The following ZNF615 variants were observed in gnomAD, a reference collection of about 807,000 sequenced individuals.
ZNF615 encodes the protein zinc finger protein 615.
In ZNF615, 15 loss-of-function variants were observed where a neutral mutation model predicts 15.3. That is an observed-to-expected ratio of 0.98 (90% CI 0.66 to 1.51). ZNF615 has a LOEUF of 1.51. ZNF615 is among the 40% of genes most tolerant of loss of function. ZNF615 has a pLI of 0.00. For synonymous variants in ZNF615, 268 were observed against 294.6 expected (o/e 0.91, Z 0.92); for missense variants, 848 against 895.9 (o/e 0.95, Z 0.68).
intron 6 of ZNF615, 21 bp downstream of exon 6, chr19:52,000,325 C>T: frequency 3.2e-6 from 2 of 615,686 alleles, no homozygotes; most frequent in Non-Finnish European, 3.0e-6. Flanking sequence ...CGGCATCAGG[C>T]AATATATCCA....
rs564947021 is a variant in ZNF615 at position 51,998,067 on chromosome 19, C to T, written c.271+2279G>A. 6.6e-5 allele frequency among the ~76,000 whole-genome samples: 10 copies of T among 152,254 alleles called. No individual in the cohort carries two copies. In the South Asian group the frequency reaches 8.3e-4, roughly 13 times the overall value. On this transcript the variant is annotated intron_variant, in intron 6 of 6. Coordinates refer to ENST00000598071, the MANE Select transcript of ZNF615 (RefSeq NM_001199324.2). ...CCTCCCCATTAACGTCTACCTTCTACGTAGCAGGCAAAGTAATCTATCAAA... is the reference window on the plus strand; with the variant it reads ...CCTCCCCATTAACGTCTACCTTCTATGTAGCAGGCAAAGTAATCTATCAAA...
chr19:51,994,392 T>A lies in ZNF615; in HGVS notation c.717A>T (p.Gly239=). The A allele has an allele frequency of 6.2e-7, 1 of 1,614,158 alleles. No individual in the cohort carries two copies. The highest frequency in any genetic ancestry group is 1.1e-5 in the South Asian group (1 of 91,076). ...ACATACTGCATACATGAGGTTTTTC[T>A]CCAGTGTGAACTCTCTGATGATCAA... is the stretch of plus-strand genomic sequence containing the variant. ...QFIDHQRVHT[G]EKPHVCSMCG... The change falls in exon 7 of 7, where the codon GGA becomes GGT. Residue 239 remains glycine, a synonymous_variant. Transcript: ENST00000598071.
At chr19:51,995,192 C>T (rs2086383127) in intron 6 of ZNF615, among the ~76,000 whole-genome samples, 1 of 152,144 alleles carries the variant, frequency 6.6e-6, no homozygotes. Flanking sequence ...TTCCTTTTAT[C>T]TCTTACACAT....
intron 5 of ZNF615, 62 bp downstream of exon 5, chr19:52,001,751 C>T (rs1160512791): frequency 2.8e-6 from 4 of 1,432,988 alleles, no homozygotes; most frequent in Non-Finnish European, 3.9e-6. Context: ...GCTTTGACGC[C>T]TGCTCTGTGT....
In ZNF615 at chr19:51,992,770, T is replaced by C; in HGVS notation, c.*110A>G. ...TACATGTTTTCTCTGACACAAAACATGAAGTAACTGATCACTAAATAAACA... is the reference window on the plus strand; with the variant it reads ...TACATGTTTTCTCTGACACAAAACACGAAGTAACTGATCACTAAATAAACA... On this transcript the variant is annotated 3_prime_UTR_variant, in exon 7 of 7. Transcript: ENST00000598071. 1 of 1,247,912 alleles carries C rather than the reference T, an allele frequency of 8.0e-7. No homozygotes were observed. The allele number at this position is 1,247,912 out of a possible 1,614,324, so 77.3% of individuals were successfully genotyped here.
chr19:52,002,298 C>T lies in ZNF615; in HGVS notation c.16-17G>A. On this transcript the variant is annotated splice_polypyrimidine_tract_variant and intron_variant, in intron 3 of 6. Transcript: ENST00000598071. ...TAGGGATTCCTGTAATAACACACTT[C>T]TGTTTAATGAAGTCATATTCTTTTG... is the stretch of plus-strand genomic sequence containing the variant. The T allele has an allele frequency of 6.2e-7, 1 of 1,613,868 alleles. No individual in the cohort carries two copies. Among genetic ancestry groups the T allele is most frequent in the Non-Finnish European group, 8.5e-7 (1 of 1,179,812 alleles).
At chr19:51,998,488 C>T (rs749992227) in intron 6 of ZNF615, among the ~76,000 whole-genome samples, 60 of 152,226 alleles carry the variant, frequency 3.9e-4, no homozygotes, top group Admixed American at 7.9e-4. Context: ...TTTAACTTTC[C>T]TTATAGCAAT....
intron 2 of ZNF615, 104 bp from the exon 3 acceptor site, chr19:52,004,004 T>C (rs1237107902): frequency 1.3e-6 from 1 of 748,688 alleles, no homozygotes; most frequent in Non-Finnish European, 1.8e-6. Context: ...ATCTCTCTGT[T>C]CTTTTATTTA....
Position 51,991,555 on chromosome 19 carries a change from G to A in ZNF615, c.*1325C>T, listed in dbSNP as rs2086234558. 6.6e-6 allele frequency: 1 copy of A among 152,198 alleles called. No homozygotes were observed. Among genetic ancestry groups the A allele is most frequent in the East Asian group, 1.9e-4 (1 of 5,194 alleles). The allele number at this position is 152,198 out of a possible 1,614,324, so 9.4% of individuals were successfully genotyped here. Reference sequence around the variant, plus strand: ...AATACCAAAAGGGTACATGCTGTATGATTCCATTTTTATAACATGCTACTA... The same window carrying A: ...AATACCAAAAGGGTACATGCTGTATAATTCCATTTTTATAACATGCTACTA... On this transcript the variant is annotated 3_prime_UTR_variant, in exon 7 of 7. Transcript: ENST00000598071.
In ZNF615 at chr19:52,006,722, T is replaced by C. The variant is rs546384287; in HGVS notation, c.-190+571A>G. Among the ~76,000 whole-genome samples, 6 of 152,316 alleles carry C rather than the reference T, an allele frequency of 3.9e-5. No homozygotes were observed. In the East Asian group the frequency reaches 5.8e-4, roughly 15 times the overall value. On this transcript the variant is annotated intron_variant, in intron 2 of 6. Coordinates refer to ENST00000598071, the MANE Select transcript of ZNF615 (RefSeq NM_001199324.2). Reference sequence around the variant, plus strand: ...TAGAAAACCAGTAGAGCTGATCTAATACAATGTTAATGGTAAAAGCTAGGT... The same window carrying C: ...TAGAAAACCAGTAGAGCTGATCTAACACAATGTTAATGGTAAAAGCTAGGT...
In ZNF615 at chr19:52,006,457, T is replaced by C. The variant is rs972835381; in HGVS notation, c.-190+836A>G. ...CAGAATCAGGGCTGAAAATCCACTTTTGTTTCACTTCAAAATCCACTTTTA... is the reference window on the plus strand; with the variant it reads ...CAGAATCAGGGCTGAAAATCCACTTCTGTTTCACTTCAAAATCCACTTTTA... On this transcript the variant is annotated intron_variant, in intron 2 of 6. Transcript: ENST00000598071. Among the ~76,000 whole-genome samples, 3 of 152,196 alleles carry C rather than the reference T, an allele frequency of 2.0e-5. No homozygotes were observed. In the East Asian group the frequency reaches 5.8e-4, roughly 29 times the overall value.
At chr19:52,007,853 C>A in intron 1 of ZNF615, 1 of 406,148 alleles carries the variant, frequency 2.5e-6, no homozygotes, top group South Asian at 4.8e-5. Flanking sequence ...GTGACTTGGG[C>A]ACTCAGTAGC....
In ZNF615 at chr19:52,001,845, G is replaced by T. The variant is rs750884702; in HGVS notation, c.206C>A (p.Thr69Lys). 6.2e-7 allele frequency: 1 copy of T among 1,614,138 alleles called. No homozygotes were observed. Among genetic ancestry groups the T allele is most frequent in the South Asian group, 1.1e-5 (1 of 91,078 alleles). Reference protein sequence around the residue: ...KLERGEETCTTEDEIYSRICS... With the variant: ...KLERGEETCTKEDEIYSRICS... ...GATTCGAGAGTAGATTTCATCTTCT[G>T]TTGTGCAAGTTTCTTCTCCTCGTTC... The change falls in exon 5 of 7, where the codon ACA becomes AAA. Residue 69 changes from threonine to lysine, a missense_variant. By Grantham distance (78) the Thr-to-Lys change is moderately conservative. Coordinates refer to ENST00000598071, the MANE Select transcript of ZNF615 (RefSeq NM_001199324.2).
rs143928846 is a variant in ZNF615 at position 51,994,254 on chromosome 19, C to G, written c.855G>C (p.Gln285His). The G allele has an allele frequency of 1.2e-4, 196 of 1,614,004 alleles. 1 individual carries two copies. The highest frequency in any genetic ancestry group is 1.6e-4 in the Non-Finnish European group (192 of 1,180,022). ...ECDKTFLKKS[Q>H]LNIHQKTHMG... The stretch of plus-strand genomic sequence containing the variant: ...TATGAGTTTTCTGATGTATATTGAG[C>G]TGTGATTTCTTGAGGAAGGTTTTGT... Residue 285 changes from glutamine (Q) to histidine (H), a missense_variant, in exon 7 of 7, where the codon CAG (glutamine) becomes CAC (histidine). Coordinates refer to ENST00000598071, the MANE Select transcript of ZNF615 (RefSeq NM_001199324.2).
At chr19:52,008,110 A>C (rs1202773617) in intron 1 of ZNF615, 31 bp downstream of exon 1, 18 of 1,533,310 alleles carry the variant, frequency 1.2e-5, no homozygotes, top group Non-Finnish European at 1.6e-5. Context: ...CTCCCCCGTC[A>C]CCACAGCGAC....
Position 52,002,137 on chromosome 19 carries a change from C to T in ZNF615, c.142+18G>A, listed in dbSNP as rs777879770. On this transcript the variant is annotated intron_variant, in intron 4 of 6. Transcript: ENST00000598071. ...CTGACTGGGCACCCTCTGAGTGACA[C>T]AGGGCAGCTGTCCTCACCCACTGCC... 7.4e-6 allele frequency: 12 copies of T among 1,614,078 alleles called. No homozygotes were observed. The African/African-American group carries it at 1.5e-4, about 20-fold the overall frequency.
intron 6 of ZNF615, among the ~76,000 whole-genome samples, chr19:51,999,681 G>C (rs2086536335): frequency 6.6e-6 from 1 of 152,174 alleles, no homozygotes; most frequent in Non-Finnish European, 1.5e-5. Flanking sequence ...AATGAATGCA[G>C]TCAAAACATC....
At position 52,003,873 on chromosome 19, in the gene ZNF615, G is replaced by C; in HGVS notation, c.-162C>G. 6.9e-7 allele frequency: 1 copy of C among 1,449,730 alleles called. No individual in the cohort carries two copies. Among genetic ancestry groups the C allele is most frequent in the Non-Finnish European group, 9.0e-7 (1 of 1,105,154 alleles). The allele number at this position is 1,449,730 out of a possible 1,614,324, so 89.8% of individuals were successfully genotyped here. On this transcript the variant is annotated 5_prime_UTR_variant, in exon 3 of 7. In the 5' UTR this introduces an upstream ATG that the reference lacks. Transcript: ENST00000598071. The stretch of plus-strand genomic sequence containing the variant: ...GAAACTCCGCCTCCTTCCTTCACTT[G>C]ATTTCTCTTGTTCTCAGCACCTGTG...
intron 3 of ZNF615, 168 bp from the exon 4 acceptor site, chr19:52,002,449 G>C (rs534709404): frequency 1.1e-6 from 1 of 944,508 alleles, no homozygotes; most frequent in Non-Finnish European, 1.7e-6. Flanking sequence ...GTAACTGTGC[G>C]GTCATCCATT....
Sources: allele counts gnomAD v4.1 joint callset (sites outside exome capture counted in the v4.1 genomes callset), GRCh38; gene constraint gnomAD v4.1.1; transcripts MANE v1.5; gene names NCBI Gene and HGNC (gene_info 2026-07-23, HGNC 2026-07-21).